The following RNPEPL1 variants were observed in gnomAD, a reference collection of about 807,000 sequenced individuals.
RNPEPL1 encodes the protein aminopeptidase RNPEPL1.
RNPEPL1 carries 46 observed loss-of-function variants against 69.0 expected under a neutral mutation model. The ratio of observed to expected loss-of-function variants is 0.67; its 90% CI spans 0.53 to 0.85. The LOEUF is 0.85. RNPEPL1 is among the 40% of genes least tolerant of loss of function. RNPEPL1 has a pLI of 0.00. For synonymous variants in RNPEPL1, 525 were observed against 454.1 expected (o/e 1.16, Z -1.98); for missense variants, 869 against 992.5 (o/e 0.88, Z 1.67).
chr2:240,571,719 A>G (rs571657477), intron 1 of RNPEPL1, among the ~76,000 whole-genome samples: 1 of 151,782 alleles, frequency 6.6e-6, no homozygotes, highest in Non-Finnish European at 1.5e-5. Flanking sequence ...TTAGGTGGGT[A>G]GCAGCTGCTG....
Position 240,575,270 on chromosome 2 carries a change from C to T in RNPEPL1, c.1401+128C>T, listed in dbSNP as rs2093034464. 16 of 801,580 alleles carry T rather than the reference C, an allele frequency of 2.0e-5. No individual in the cohort carries two copies. The East Asian group carries it at 3.8e-4, about 19-fold the overall frequency. The allele number at this position is 801,580 out of a possible 1,614,324, so 49.7% of individuals were successfully genotyped here. A position where few individuals can be genotyped will look rare whatever the true frequency, so the allele number is the denominator to read the frequency against. ...AGGGGCCTGTGAGCCTGGCTGGGAC[C>T]TAGTCTGCCTTTCTTTGTGGGGAGT... On this transcript the variant is annotated intron_variant, in intron 7 of 10. Coordinates refer to ENST00000270357, the MANE Select transcript of RNPEPL1 (RefSeq NM_018226.6).
rs907359195 is a variant in RNPEPL1 at position 240,574,058 on chromosome 2, C to T, written c.939-55C>T. The T allele has an allele frequency of 2.0e-6, 3 of 1,518,118 alleles. No individual in the cohort carries two copies. The African/African-American group carries it at 4.1e-5, about 21-fold the overall frequency. The allele number at this position is 1,518,118 out of a possible 1,614,324, so 94.0% of individuals were successfully genotyped here. On this transcript the variant is annotated intron_variant, in intron 4 of 10. Coordinates refer to ENST00000270357, the MANE Select transcript of RNPEPL1 (RefSeq NM_018226.6). ...GGGTGGAAGGTGGGGTGCGGGTGTGCAGGGTGGGAGTCTGAGCCCCGAGGT... is the reference window on the plus strand; with the variant it reads ...GGGTGGAAGGTGGGGTGCGGGTGTGTAGGGTGGGAGTCTGAGCCCCGAGGT...
chr2:240,577,428 G>A (rs1458834588), intron 10 of RNPEPL1, among the ~76,000 whole-genome samples, 171 bp from the exon 11 acceptor site: 1 of 152,232 alleles, frequency 6.6e-6, no homozygotes, highest in East Asian at 1.9e-4. Context: ...GAAGGGCAGG[G>A]TGGAGGTGGG....
At position 240,574,644 on chromosome 2, in the gene RNPEPL1, G is replaced by C. The variant is rs2093032550; in HGVS notation, c.1288+16G>C. 1.3e-6 allele frequency: 2 copies of C among 1,595,920 alleles called. No homozygotes were observed. Among genetic ancestry groups the C allele is most frequent in the Admixed American group, 1.7e-5 (1 of 59,262 alleles). On this transcript the variant is annotated intron_variant, in intron 6 of 10. Coordinates refer to ENST00000270357, the MANE Select transcript of RNPEPL1 (RefSeq NM_018226.6). ...CTGGAGCCAGGTACCTGCTCCTCAGGACCCGCTCCCACAACTGGGGATGTC... is the reference window on the plus strand; with the variant it reads ...CTGGAGCCAGGTACCTGCTCCTCAGCACCCGCTCCCACAACTGGGGATGTC...
Position 240,572,410 on chromosome 2 carries a change from A to T in RNPEPL1, c.529-13A>T, listed in dbSNP as rs1329034848. ...CTGGGTGGCCGTCTGCTGATGGGCCATCCTGCCCACAGATCTGGTGGCTGG... is the reference window on the plus strand; with the variant it reads ...CTGGGTGGCCGTCTGCTGATGGGCCTTCCTGCCCACAGATCTGGTGGCTGG... On this transcript the variant is annotated splice_polypyrimidine_tract_variant and intron_variant, in intron 1 of 10. Coordinates refer to ENST00000270357, the MANE Select transcript of RNPEPL1 (RefSeq NM_018226.6). 1 of 1,535,744 alleles carries T rather than the reference A, an allele frequency of 6.5e-7. No homozygotes were observed. The highest frequency in any genetic ancestry group is 1.4e-5 in the African/African-American group (1 of 73,042).
Position 240,574,260 on chromosome 2 carries a change from C to T in RNPEPL1, c.1086C>T (p.Asn362=), listed in dbSNP as rs376132203. 3.6e-5 allele frequency: 58 copies of T among 1,612,522 alleles called. No homozygotes were observed. The Admixed American group carries it at 4.3e-4, about 12-fold the overall frequency. Residue 362 remains asparagine, a synonymous_variant, in exon 5 of 11, where the codon AAC becomes AAT. Transcript: ENST00000270357. ...IHEVAHSWFG[N]AVTNATWEEM... is the part of the protein sequence containing the mutation. ...AGGTGGCCCACAGTTGGTTCGGCAA[C>T]GCTGTCACCAACGCCACGTGGGAAG...
intron 8 of RNPEPL1, chr2:240,576,167 A>T (rs933768320): frequency 3.0e-6 from 1 of 330,770 alleles, no homozygotes; most frequent in Non-Finnish European, 5.6e-6. Context: ...AAGAGCAGGA[A>T]TATCATCTTA....
chr2:240,573,993 G>A (rs2093030323), intron 4 of RNPEPL1, 102 bp downstream of exon 4: 2 of 1,368,468 alleles, frequency 1.5e-6, no homozygotes, highest in Non-Finnish European at 1.0e-6. Flanking sequence ...CTCCTGGGGA[G>A]GAAGCGGAGC....
rs1047115679 is a variant in RNPEPL1, at chr2:240,568,935, C to T, written c.349C>T (p.Pro117Ser). Residue 117 changes from proline (P) to serine (S), a missense_variant, in exon 1 of 11, where the codon CCC becomes TCC. By Grantham distance (74) the Pro-to-Ser change is moderately conservative. Around this residue, in one of 2 missense-constraint regions of RNPEPL1, gnomAD observed 259 missense variants for 201.5 expected, o/e 1.29. Transcript: ENST00000270357. The surrounding 1 kb of genome is among the most constrained non-coding windows in gnomAD (Gnocchi z 6.2). ...CCCCGGGCCGGGGCCCGCGCCGCCG[C>T]CCCCGCTGCCCGCCTTCCCCGAGGC... ...SAPGPGPAPP[P>S]PLPAFPEAPG... is the part of the protein sequence containing the mutation. The T allele has an allele frequency of 7.4e-6, 10 of 1,346,516 alleles. No individual in the cohort carries two copies. In the African/African-American group the frequency reaches 7.7e-5, roughly 10 times the overall value. The allele number at this position is 1,346,516 out of a possible 1,614,324, so 83.4% of individuals were successfully genotyped here.
chr2:240,575,716 T>G (rs1490795895), intron 8 of RNPEPL1, 106 bp downstream of exon 8: 1 of 820,012 alleles, frequency 1.2e-6, no homozygotes, highest in Non-Finnish European at 2.0e-6. Flanking sequence ...CCCTGTCAGT[T>G]CACTGTCTGT....
rs368431976 is a variant in RNPEPL1, at chr2:240,575,161, G to C, written c.1401+19G>C. 1.3e-6 allele frequency: 2 copies of C among 1,594,820 alleles called. No individual in the cohort carries two copies. Among genetic ancestry groups the C allele is most frequent in the South Asian group, 2.2e-5 (2 of 90,688 alleles). ...TCTCCGAGTGAGCAGCCCCCTGCCC[G>C]GGACGGCCCTGCTGCCATCTGCCCC... On this transcript the variant is annotated intron_variant, in intron 7 of 10. Transcript: ENST00000270357.
In RNPEPL1 at chr2:240,573,413, C is replaced by CACCAGGGCCCTGCCT. The variant is rs1553610589; in HGVS notation, c.821+152_821+153insACCAGGGCCCTGCCT. ...AGCCCTGCCCCTGCCTTGGTGCCAC[C>CACCAGGGCCCTGCCT]GCCAGGGCCCTGCCACCCATGTGCC... On this transcript the variant is annotated intron_variant, in intron 3 of 10. Transcript: ENST00000270357. 1.0e-4 allele frequency: 75 copies of CACCAGGGCCCTGCCT among 750,242 alleles called. No individual in the cohort carries two copies. In the African/African-American group the frequency reaches 1.1e-3, roughly 11 times the overall value. 46.5% of individuals were successfully genotyped at this position (750,242 alleles called of 1,614,324 possible).
chr2:240,569,872 G>C (rs540191681), intron 1 of RNPEPL1, among the ~76,000 whole-genome samples: 3 of 152,202 alleles, frequency 2.0e-5, no homozygotes, highest in Admixed American at 1.3e-4. Context: ...CACTGGTCAC[G>C]GCACATAAAT....
intron 1 of RNPEPL1, among the ~76,000 whole-genome samples, chr2:240,571,889 A>C (rs1374636724): frequency 6.6e-6 from 1 of 151,756 alleles, no homozygotes; most frequent in African/African-American, 2.4e-5. Flanking sequence ...TGTCTCTTGC[A>C]GGGTCCCTCC....
chr2:240,569,289 C>T, intron 1 of RNPEPL1, 175 bp downstream of exon 1: 1 of 685,182 alleles, frequency 1.5e-6, no homozygotes, highest in East Asian at 3.6e-5. Context: ...CGGATAGAAG[C>T]CGGAGTCCTG....
chr2:240,568,827 C>A lies in RNPEPL1; in HGVS notation c.241C>A (p.Pro81Thr). The A allele has an allele frequency of 8.8e-7, 1 of 1,140,750 alleles. No homozygotes were observed. Among genetic ancestry groups the A allele is most frequent in the Non-Finnish European group, 1.1e-6 (1 of 926,946 alleles). 70.7% of individuals were successfully genotyped at this position (1,140,750 alleles called of 1,614,324 possible). A position where few individuals can be genotyped will look rare whatever the true frequency, so the allele number is the denominator to read the frequency against. The change falls in exon 1 of 11, where the codon CCG becomes ACG. Residue 81 changes from proline to threonine, a missense_variant. Pro to Thr is a conservative substitution (Grantham distance 38, BLOSUM62 -1). Around this residue, in one of 2 missense-constraint regions of RNPEPL1, gnomAD observed 259 missense variants for 201.5 expected, o/e 1.29. Transcript: ENST00000270357. This position sits in a 1 kb window ranked among gnomAD's most constrained non-coding sequence, Gnocchi z 6.2. ...CCGCGCGCTCGTGCTCGACGCGCAC[C>A]CGGCTCTGCGCCTGCACTCAGCCGC... ...APRALVLDAH[P>T]ALRLHSAAFR...
chr2:240,576,405 G>C lies in RNPEPL1; in HGVS notation c.1511-130G>C, dbSNP rs1423495907. On this transcript the variant is annotated intron_variant, in intron 8 of 10. Transcript: ENST00000270357. ...TGGCTGGAGCTGACTCCGCCTTCCT[G>C]AACAGCCCACGTCCCTGGAACAGGC... 4.9e-6 allele frequency: 4 copies of C among 821,960 alleles called. 1 individual carries two copies. Among genetic ancestry groups the C allele is most frequent in the South Asian group, 3.6e-5 (2 of 55,424 alleles). 50.9% of individuals were successfully genotyped at this position (821,960 alleles called of 1,614,324 possible). A position where few individuals can be genotyped will look rare whatever the true frequency, so the allele number is the denominator to read the frequency against.
chr2:240,568,880 C>G lies in RNPEPL1; in HGVS notation c.294C>G (p.Ala98=). The change falls in exon 1 of 11, where the codon GCC becomes GCG. Residue 98 remains alanine, a synonymous_variant. Coordinates refer to ENST00000270357, the MANE Select transcript of RNPEPL1 (RefSeq NM_018226.6). The surrounding 1 kb of genome is among the most constrained non-coding windows in gnomAD (Gnocchi z 6.2). ...TCCGTCGCGCCCCCGCCGCCGCCGC[C>G]GAGACGCCCTGCGCCTTCGCCTTCT... is the stretch of plus-strand genomic sequence containing the variant. ...AAFRRAPAAA[A]ETPCAFAFSA... is the part of the protein sequence containing the mutation. 2 of 1,243,330 alleles carry G rather than the reference C, an allele frequency of 1.6e-6. No homozygotes were observed. The highest frequency in any genetic ancestry group is 2.0e-6 in the Non-Finnish European group (2 of 989,626). The allele number at this position is 1,243,330 out of a possible 1,614,324, so 77.0% of individuals were successfully genotyped here.
chr2:240,575,100 C>T lies in RNPEPL1; in HGVS notation c.1359C>T (p.Ser453=). The T allele has an allele frequency of 6.2e-7, 1 of 1,613,780 alleles. No individual in the cohort carries two copies. Among genetic ancestry groups the T allele is most frequent in the Non-Finnish European group, 8.5e-7 (1 of 1,179,998 alleles). The change falls in exon 7 of 11, where the codon TCC becomes TCT. Residue 453 remains serine (S), a synonymous_variant. Transcript: ENST00000270357. ...GCTACTGCTTCGTGTACTACCTGTCCCAGCTCTGCGGAGACCCACAGCGCT... is the reference window on the plus strand; with the variant it reads ...GCTACTGCTTCGTGTACTACCTGTCTCAGCTCTGCGGAGACCCACAGCGCT... The part of the protein sequence containing the change: ...EKGYCFVYYL[S]QLCGDPQRFD...
Sources: allele counts gnomAD v4.1 joint callset (sites outside exome capture counted in the v4.1 genomes callset), GRCh38; gene constraint gnomAD v4.1.1; regional missense constraint gnomAD v4.1.1; non-coding constraint Gnocchi (gnomAD v3.1); transcripts MANE v1.5; gene names NCBI Gene and HGNC (gene_info 2026-07-23, HGNC 2026-07-21).